The following HMX1 variants were observed in gnomAD, a reference collection of about 807,000 sequenced individuals.
HMX1 encodes the protein homeobox protein HMX1.
Under a neutral mutation model 8.9 loss-of-function variants are expected in HMX1, and 8 were observed. That is an observed-to-expected ratio of 0.90 (90% confidence interval 0.53 to 1.63). HMX1 has a LOEUF of 1.63. Ranked by LOEUF, HMX1 falls within the 40% of genes most tolerant of loss-of-function variation. The probability of loss-of-function intolerance (pLI) is 0.00; values close to 1 mark genes in which losing one functional copy is unlikely to be tolerated. For missense variants in HMX1, 621 were observed against 558.5 expected, an observed-to-expected ratio of 1.11 and a Z score of -1.13; for synonymous variants, 311 against 283.4, an observed-to-expected ratio of 1.10 and a Z score of -0.98.
In HMX1 at chr4:8,870,686, T is replaced by C. The variant is rs1262190224; in HGVS notation, c.394+535A>G. 2.1e-5 allele frequency among the ~76,000 whole-genome samples: 3 copies of C among 141,210 alleles called. No homozygotes were observed. Among genetic ancestry groups the C allele is most frequent in the Admixed American group, 1.4e-4 (2 of 13,860 alleles). 92.6% of individuals were successfully genotyped at this position (141,210 alleles called of 152,430 possible). A position where few individuals can be genotyped will look rare whatever the true frequency, so the allele number is the denominator to read the frequency against. On this transcript the variant is annotated intron_variant, in intron 1 of 1. Transcript: ENST00000400677. This position sits in a 1 kb window ranked among gnomAD's most constrained non-coding sequence, Gnocchi z 4.4. ...CCACAACACTGCACCCTCTGCTCAA[T>C]GCCCCCTTTTATTTTTCCACGTCTG...
rs1193325259 is a variant in HMX1 at position 8,870,280 on chromosome 4, C to T, written c.394+941G>A. ...GGGTTGGACTGGCTTTCCTGGCCTT[C>T]CTCCCAGGGGTCTTCCTAAAGGGCA... On this transcript the variant is annotated intron_variant, in intron 1 of 1. Coordinates refer to ENST00000400677, the MANE Select transcript of HMX1 (RefSeq NM_018942.3). The surrounding 1 kb of genome is among the most constrained non-coding windows in gnomAD (Gnocchi z 4.4). 6.6e-6 allele frequency among the ~76,000 whole-genome samples: 1 copy of T among 151,474 alleles called. No individual in the cohort carries two copies. Among genetic ancestry groups the T allele is most frequent in the African/African-American group, 2.4e-5 (1 of 41,290 alleles).
chr4:8,857,178 C>G (rs1374477194), intron 1 of HMX1, among the ~76,000 whole-genome samples: 3 of 152,232 alleles, frequency 2.0e-5, no homozygotes, highest in Non-Finnish European at 2.9e-5. Context: ...AAATAACGAA[C>G]AGAGTCTCCT....
intron 1 of HMX1, chr4:8,846,366 T>G: frequency 6.9e-7 from 1 of 1,441,920 alleles, no homozygotes; most frequent in Admixed American, 2.0e-5. Context: ...ACTAGTCATG[T>G]CTGCACAAGG....
chr4:8,865,672 G>C (rs1014450445), downstream of HMX1, among the ~76,000 whole-genome samples: 1 of 152,172 alleles, frequency 6.6e-6, no homozygotes, highest in African/African-American at 2.4e-5. Context: ...CAGAAGGGGC[G>C]GGGGGTGAGG....
Position 8,853,687 on chromosome 4 carries a change from A to G in HMX1, c.395-7363T>C, listed in dbSNP as rs190489062. 2.2e-4 allele frequency among the ~76,000 whole-genome samples: 34 copies of G among 152,256 alleles called. No homozygotes were observed. Among genetic ancestry groups the G allele is most frequent in the African/African-American group, 7.5e-4 (31 of 41,546 alleles). ...ACCAATATGATGAAACCCCGTCTCTACTAAAAATACAGAAATTAGCTGGGT... is the reference window on the plus strand; with the variant it reads ...ACCAATATGATGAAACCCCGTCTCTGCTAAAAATACAGAAATTAGCTGGGT... On this transcript the variant is annotated intron_variant, in intron 1 of 1. Coordinates refer to the HMX1 transcript ENST00000506970. The surrounding 1 kb of genome is among the most constrained non-coding windows in gnomAD (Gnocchi z 4.7).
intron 1 of HMX1, chr4:8,860,831 G>C (rs939280339): frequency 6.6e-6 from 1 of 152,476 alleles, no homozygotes; most frequent in African/African-American, 2.4e-5. Flanking sequence ...CCACTGTGCA[G>C]ACCCCGAGGG....
chr4:8,857,004 A>G (rs1392624046), intron 1 of HMX1, among the ~76,000 whole-genome samples: 3 of 152,124 alleles, frequency 2.0e-5, no homozygotes, highest in African/African-American at 7.2e-5. Flanking sequence ...GGATCACTCG[A>G]GCCCAGGAAA....
chr4:8,855,565 C>G (rs1177461088), intron 1 of HMX1, among the ~76,000 whole-genome samples: 1 of 152,116 alleles, frequency 6.6e-6, no homozygotes, highest in Non-Finnish European at 1.5e-5. Context: ...CCACCAGGTG[C>G]AAGAGTTCTG....
Position 8,868,110 on chromosome 4 carries a change from G to A in HMX1, c.630C>T (p.Phe210=). The change falls in exon 2 of 2, where the codon TTC becomes TTT. Residue 210 remains phenylalanine (F), a synonymous_variant. Transcript: ENST00000400677. This position sits in a 1 kb window ranked among gnomAD's most constrained non-coding sequence, Gnocchi z 4.6. ...GGRKKKTRTV[F]SRSQVFQLES... Reference sequence around the variant, plus strand: ...CCAGCTGGAAGACCTGGCTGCGGGAGAAGACTGTGCGCGTCTTCTTCTTTC... The same window carrying A: ...CCAGCTGGAAGACCTGGCTGCGGGAAAAGACTGTGCGCGTCTTCTTCTTTC... The A allele has an allele frequency of 2.0e-6, 3 of 1,513,514 alleles. No individual in the cohort carries two copies. The highest frequency in any genetic ancestry group is 8.8e-7 in the Non-Finnish European group (1 of 1,133,416). 93.8% of individuals were successfully genotyped at this position (1,513,514 alleles called of 1,614,324 possible). A position where few individuals can be genotyped will look rare whatever the true frequency, so the allele number is the denominator to read the frequency against.
Position 8,871,745 on chromosome 4 carries a change from G to A in HMX1, c.-131C>T. ...CGGACCGCTGGCGTCGGGCCCCGCA[G>A]GGCAGGCGGCGGCCTCCGCGCCGGG... On this transcript the variant is annotated 5_prime_UTR_variant, in exon 1 of 2. Transcript: ENST00000400677. This position sits in a 1 kb window ranked among gnomAD's most constrained non-coding sequence, Gnocchi z 4.8. 2.0e-6 allele frequency: 2 copies of A among 1,007,740 alleles called. No individual in the cohort carries two copies. Among genetic ancestry groups the A allele is most frequent in the Non-Finnish European group, 2.4e-6 (2 of 844,468 alleles). The allele number at this position is 1,007,740 out of a possible 1,614,324, so 62.4% of individuals were successfully genotyped here.
At chr4:8,846,879 C>A (rs1283813921) in intron 1 of HMX1, among the ~76,000 whole-genome samples, 1 of 152,216 alleles carries the variant, frequency 6.6e-6, no homozygotes, top group African/African-American at 2.4e-5. Flanking sequence ...ATTGGCCCTT[C>A]CCCTGATCTC....
intron 1 of HMX1, among the ~76,000 whole-genome samples, chr4:8,869,982 C>G (rs1244439702): frequency 1.3e-5 from 2 of 152,136 alleles, no homozygotes; most frequent in Non-Finnish European, 2.9e-5. Flanking sequence ...AAGCCCTGCT[C>G]AAGTCTACGT....
intron 1 of HMX1, among the ~76,000 whole-genome samples, chr4:8,846,771 T>C (rs951275723): frequency 2.0e-5 from 3 of 152,106 alleles, no homozygotes; most frequent in Admixed American, 6.5e-5. Flanking sequence ...GCCCCTTTCA[T>C]GTACCCAGAA....
At chr4:8,856,162 T>C (rs1320579176) in intron 1 of HMX1, among the ~76,000 whole-genome samples, 2 of 152,186 alleles carry the variant, frequency 1.3e-5, no homozygotes, top group East Asian at 1.9e-4. Flanking sequence ...GGAAGGGCCC[T>C]GAGTGCTTTT....
In HMX1 at chr4:8,871,265, T is replaced by C; in HGVS notation, c.350A>G (p.Tyr117Cys). 6.7e-7 allele frequency: 1 copy of C among 1,482,478 alleles called. No individual in the cohort carries two copies. Among genetic ancestry groups the C allele is most frequent in the Non-Finnish European group, 8.9e-7 (1 of 1,123,040 alleles). The allele number at this position is 1,482,478 out of a possible 1,614,324, so 91.8% of individuals were successfully genotyped here. A position where few individuals can be genotyped will look rare whatever the true frequency, so the allele number is the denominator to read the frequency against. Residue 117 changes from tyrosine (Y) to cysteine (C), a missense_variant, in exon 1 of 2, where the codon TAC becomes TGC. Coordinates refer to ENST00000400677, the MANE Select transcript of HMX1 (RefSeq NM_018942.3). The surrounding 1 kb of genome is among the most constrained non-coding windows in gnomAD (Gnocchi z 4.8). Reference sequence around the variant, plus strand: ...TCCATAGCCACCGTGCGCCCGTGGGTACCAGCGCGCTGCGCCTCCGCAGCC... The same window carrying C: ...TCCATAGCCACCGTGCGCCCGTGGGCACCAGCGCGCTGCGCCTCCGCAGCC... ...ALGCGGAARW[Y>C]PRAHGGYGGG... is the part of the protein sequence containing the mutation.
At position 8,867,847 on chromosome 4, in the gene HMX1, G is replaced by C; in HGVS notation, c.893C>G (p.Pro298Arg). The change falls in exon 2 of 2, where the codon CCC (proline) becomes CGC (arginine). Residue 298 changes from proline to arginine, a missense_variant. Physicochemically the swap from Pro to Arg is moderately radical, Grantham distance 103. Transcript: ENST00000400677. The stretch of plus-strand genomic sequence containing the variant: ...CAGCGGGAAGGGCAGGGTGGCCGGG[G>C]GCCCAGCGGCGGCTGCGGCCGGGGG... ...ESPPAAAAAG[P>R]PATLPFPLAP... The C allele has an allele frequency of 8.1e-7, 1 of 1,237,122 alleles. No individual in the cohort carries two copies. The highest frequency in any genetic ancestry group is 1.0e-6 in the Non-Finnish European group (1 of 992,022). The allele number at this position is 1,237,122 out of a possible 1,614,324, so 76.6% of individuals were successfully genotyped here.
At chr4:8,860,807 G>C (rs1208809538) in intron 1 of HMX1, 1 of 152,480 alleles carries the variant, frequency 6.6e-6, no homozygotes, top group African/African-American at 2.4e-5. Flanking sequence ...TGGCGGTGCG[G>C]AGACCGGACG....
downstream of HMX1, chr4:8,867,034 A>G (rs1722019729): frequency 1.0e-6 from 1 of 976,298 alleles, no homozygotes; most frequent in Non-Finnish European, 1.2e-6. Context: ...CGTGATCACA[A>G]AGCAGTGAAA....
Position 8,870,081 on chromosome 4 carries a change from ATCTAACAAGTGAG to A in HMX1, c.394+1127_394+1139del, listed in dbSNP as rs1398884400. On this transcript the variant is annotated intron_variant, in intron 1 of 1. Transcript: ENST00000400677. This position sits in a 1 kb window ranked among gnomAD's most constrained non-coding sequence, Gnocchi z 4.4. Reference sequence around the variant, plus strand: ...ATCACTCCACGACATGGAAAGGGTTATCTAACAAGTGAGTGAGGGTCGTAGGCCACTTACTCCC... The same window carrying A: ...ATCACTCCACGACATGGAAAGGGTTATGAGGGTCGTAGGCCACTTACTCCC... Among the ~76,000 whole-genome samples, 1 of 152,014 alleles carries A rather than the reference ATCTAACAAGTGAG, an allele frequency of 6.6e-6. No individual in the cohort carries two copies. Among genetic ancestry groups the A allele is most frequent in the Non-Finnish European group, 1.5e-5 (1 of 67,988 alleles).
Sources: gnomAD v4.1 joint callset for allele counts (sites outside exome capture counted in the v4.1 genomes callset) on GRCh38, gnomAD v4.1.1 for gene constraint, Gnocchi (gnomAD v3.1) non-coding constraint, MANE v1.5 for transcripts, NCBI Gene and HGNC (gene_info 2026-07-23, HGNC 2026-07-21) for gene names.